Variants in DUSP22 observed in about 807,000 individuals in gnomAD.
The protein encoded by DUSP22 is dual specificity protein phosphatase 22.
Under a neutral mutation model 24.5 loss-of-function variants are expected in DUSP22, and 24 were observed. The observed-to-expected ratio is 0.98, with a 90% CI of 0.71 to 1.38. DUSP22 has a LOEUF of 1.38. DUSP22 is among the 40% of genes most tolerant of loss of function. The pLI, the probability that DUSP22 is intolerant of heterozygous loss-of-function variation, is 0.00. For missense variants in DUSP22, 330 were observed against 269.2 expected, an observed-to-expected ratio of 1.23 and a Z score of -1.58; for synonymous variants, 160 against 106.4, an observed-to-expected ratio of 1.50 and a Z score of -3.10.
intron 1 of DUSP22, among the ~76,000 whole-genome samples, chr6:293,333 G>C (rs1157996423): frequency 6.6e-6 from 1 of 152,286 alleles, no homozygotes; most frequent in African/African-American, 2.4e-5. Flanking sequence ...AGAGTTGCCG[G>C]GGTGTATTCA....
At chr6:332,375 G>A (rs562304682) in intron 3 of DUSP22, among the ~76,000 whole-genome samples, 178 of 152,358 alleles carry the variant, frequency 1.2e-3, no homozygotes, top group African/African-American at 3.9e-3. Context: ...ATGGCCAAGA[G>A]CTGCCTCCTC....
rs1425770838 is a variant in DUSP22 at position 349,728 on chromosome 6, A to T, written c.*777A>T. 1.0e-6 allele frequency: 1 copy of T among 986,114 alleles called. No individual in the cohort carries two copies. The highest frequency in any genetic ancestry group is 1.2e-6 in the Non-Finnish European group (1 of 830,480). 61.1% of individuals were successfully genotyped at this position (986,114 alleles called of 1,614,324 possible). A position where few individuals can be genotyped will look rare whatever the true frequency, so the allele number is the denominator to read the frequency against. On this transcript the variant is annotated 3_prime_UTR_variant, in exon 7 of 7. Coordinates refer to ENST00000419235, the MANE Select transcript of DUSP22 (RefSeq NM_001286555.3). The stretch of plus-strand genomic sequence containing the variant: ...ATTGCCTCCATCTCAATGTGAATGC[A>T]CCAGGCTGAGGGTTCCCTAGCGCCT...
chr6:332,507 C>T (rs1051564646), intron 3 of DUSP22, among the ~76,000 whole-genome samples: 14 of 152,416 alleles, frequency 9.2e-5, no homozygotes, highest in Non-Finnish European at 1.6e-4. Flanking sequence ...TTTTGCTCAT[C>T]GGGTGCCACA....
At chr6:346,072 TC>T in intron 5 of DUSP22, 144 bp downstream of exon 5, 1 of 1,048,234 alleles carries the variant, frequency 9.5e-7, no homozygotes, top group Non-Finnish European at 1.4e-6. Flanking sequence ...GCTCCATTTG[TC>T]CAGCGCTGTG....
At chr6:326,498 GGA>G (rs1247929170) in intron 3 of DUSP22, among the ~76,000 whole-genome samples, 6 of 101,414 alleles carry the variant, frequency 5.9e-5, no homozygotes, top group Admixed American at 1.8e-4. Flanking sequence ...GCGGGTGCCT[GGA>G]GAGTCATCTG....
Position 304,653 on chromosome 6 carries a change from A to G in DUSP22, c.47A>G (p.Asn16Ser), listed in dbSNP as rs781270005. The G allele has an allele frequency of 1.2e-6, 2 of 1,614,250 alleles. No homozygotes were observed. Among genetic ancestry groups the G allele is most frequent in the Non-Finnish European group, 8.5e-7 (1 of 1,180,014 alleles). ...NKILPGLYIG[N>S]FKDARDAEQL... ...ATCCTGCCCGGCCTGTACATCGGCA[A>G]CTTCAAAGGTGAGTTCTTGCTTTTT... is the stretch of plus-strand genomic sequence containing the variant. The change falls in exon 2 of 7, where the codon AAC (asparagine) becomes AGC (serine). Residue 16 changes from asparagine to serine, a missense_variant. Physicochemically the swap from Asn to Ser is conservative, Grantham distance 46. Transcript: ENST00000419235.
At position 350,997 on chromosome 6, in the gene DUSP22, T is replaced by C; in HGVS notation, c.*2046T>C. 1 of 1,300,896 alleles carries C rather than the reference T, an allele frequency of 7.7e-7. No homozygotes were observed. The highest frequency in any genetic ancestry group is 1.3e-5 in the South Asian group (1 of 79,708). 80.6% of individuals were successfully genotyped at this position (1,300,896 alleles called of 1,614,324 possible). A position where few individuals can be genotyped will look rare whatever the true frequency, so the allele number is the denominator to read the frequency against. On this transcript the variant is annotated 3_prime_UTR_variant, in exon 7 of 7. Transcript: ENST00000419235. The stretch of plus-strand genomic sequence containing the variant: ...CTTGTTTTTCATTTGAAGCTGAATA[T>C]ATACGTAGTCATGTTTATGTTGAGA...
rs1467420022 is a variant in DUSP22 at position 349,777 on chromosome 6, C to T, written c.*826C>T. The T allele has an allele frequency of 4.1e-6, 4 of 985,836 alleles. No individual in the cohort carries two copies. The highest frequency in any genetic ancestry group is 5.2e-4 in the Middle Eastern group (1 of 1,936). 61.1% of individuals were successfully genotyped at this position (985,836 alleles called of 1,614,324 possible). On this transcript the variant is annotated 3_prime_UTR_variant, in exon 7 of 7. Coordinates refer to ENST00000419235, the MANE Select transcript of DUSP22 (RefSeq NM_001286555.3). The stretch of plus-strand genomic sequence containing the variant: ...CTTGAGTCAAGGCCACTTTTCAGCC[C>T]ATCGAGCCCTGAGTTCTACTTGGTG...
intron 2 of DUSP22, among the ~76,000 whole-genome samples, chr6:310,868 A>G (rs866688561): frequency 6.6e-6 from 1 of 152,306 alleles, no homozygotes; most frequent in Non-Finnish European, 1.5e-5. Flanking sequence ...GTAATCCATC[A>G]TGATTACAAT....
chr6:306,346 G>A (rs906499027), intron 2 of DUSP22, among the ~76,000 whole-genome samples: 13 of 152,296 alleles, frequency 8.5e-5, no homozygotes, highest in Non-Finnish European at 1.3e-4. Context: ...ATCATGAAAG[G>A]TTACTTTTTT....
chr6:339,806 G>A (rs979415284), intron 4 of DUSP22, among the ~76,000 whole-genome samples: 2 of 152,292 alleles, frequency 1.3e-5, no homozygotes, highest in African/African-American at 2.4e-5. Context: ...GACACCTTCT[G>A]TACTTTCAAC....
chr6:294,479 A>G (rs1757237834), intron 1 of DUSP22, among the ~76,000 whole-genome samples: 1 of 152,294 alleles, frequency 6.6e-6, no homozygotes, highest in African/African-American at 2.4e-5. Context: ...ATGTTCCGGT[A>G]GCCACATTAA....
At chr6:298,791 C>T (rs1424135596) in intron 1 of DUSP22, among the ~76,000 whole-genome samples, 3 of 152,310 alleles carry the variant, frequency 2.0e-5, no homozygotes, top group Non-Finnish European at 4.4e-5. Context: ...ACCGTTTATT[C>T]AGACTTCCTC....
At chr6:327,970 T>C (rs1462552613) in intron 3 of DUSP22, among the ~76,000 whole-genome samples, 2 of 152,298 alleles carry the variant, frequency 1.3e-5, no homozygotes, top group African/African-American at 4.8e-5. Flanking sequence ...AAATGGGTCT[T>C]CTCTACTTTG....
intron 3 of DUSP22, 92 bp downstream of exon 3, chr6:312,054 A>C (rs1196793850): frequency 7.6e-7 from 1 of 1,318,254 alleles, no homozygotes; most frequent in Non-Finnish European, 1.1e-6. Flanking sequence ...GGTTCTCTCC[A>C]ATGCGAACGT....
chr6:299,361 A>AAG, intron 1 of DUSP22, among the ~76,000 whole-genome samples: 2 of 152,302 alleles, frequency 1.3e-5, no homozygotes, highest in South Asian at 4.1e-4. Flanking sequence ...CTTTCTCTGT[A>AAG]TTCAGGGATT....
chr6:345,795 T>C, intron 4 of DUSP22, 59 bp from the exon 5 acceptor site: 2 of 1,578,000 alleles, frequency 1.3e-6, no homozygotes, highest in Admixed American at 3.6e-5. Context: ...TAGAATTTTC[T>C]TTTCATCATA....
chr6:295,725 G>A (rs1012350896), intron 1 of DUSP22, among the ~76,000 whole-genome samples: 2 of 152,058 alleles, frequency 1.3e-5, no homozygotes, highest in Middle Eastern at 3.4e-3. Flanking sequence ...ACCTCAGCCC[G>A]GGAAGTCTAG....
chr6:335,775 A>T (rs184535105), intron 4 of DUSP22, among the ~76,000 whole-genome samples: 2 of 152,422 alleles, frequency 1.3e-5, no homozygotes, highest in East Asian at 3.9e-4. Context: ...CTGTGTTTCC[A>T]GGGCTTGAGA....
Sources: allele counts gnomAD v4.1 joint callset (sites outside exome capture counted in the v4.1 genomes callset), GRCh38; gene constraint gnomAD v4.1.1; transcripts MANE v1.5; gene names NCBI Gene and HGNC (gene_info 2026-07-23, HGNC 2026-07-21).